PANK2: variants seen among roughly 807,000 people sequenced by gnomAD.
PANK2 encodes pantothenate kinase 2.
A neutral mutation model predicts 43.1 loss-of-function variants in PANK2; 36 were observed. That is an observed-to-expected ratio of 0.84 (90% confidence interval 0.64 to 1.10). The LOEUF (loss-of-function observed/expected upper bound fraction) is 1.10, where lower values mean the gene tolerates loss of function less well. Among genes scored for constraint, PANK2 ranks in the 50% least tolerant of loss-of-function variants. The pLI, the probability that PANK2 is intolerant of heterozygous loss-of-function variation, is 0.00. For missense variants in PANK2, 576 were observed against 593.3 expected (o/e 0.97, Z 0.30); for synonymous variants, 281 against 238.2 (o/e 1.18, Z -1.66).
At position 3,923,227 on chromosome 20, in the gene PANK2, G is replaced by C; in HGVS notation, c.1333-17G>C. On this transcript the variant is annotated splice_polypyrimidine_tract_variant and intron_variant, in intron 6 of 6. Coordinates refer to ENST00000610179, the MANE Select transcript of PANK2 (RefSeq NM_001386393.1). ...TCTAAGGAAAATTGCACTTATTTTT[G>C]GTGTATTTTCTTTCAGGGTTATTTT... The C allele has an allele frequency of 6.2e-7, 1 of 1,613,928 alleles. No homozygotes were observed. The highest frequency in any genetic ancestry group is 8.5e-7 in the Non-Finnish European group (1 of 1,179,840).
Position 3,902,972 on chromosome 20 carries a change from GACACACACACACACACAC to G in PANK2, c.299-4925_299-4908del, listed in dbSNP as rs11468265. ...CCATGAGTTTCGACAGATGTGTATAGACACACACACACACACACACACACACACACACACACACACACA... is the reference window on the plus strand; with the variant it reads ...CCATGAGTTTCGACAGATGTGTATAGACACACACACACACACACACACACA... On this transcript the variant is annotated intron_variant, in intron 1 of 6. Coordinates refer to ENST00000610179, the MANE Select transcript of PANK2 (RefSeq NM_001386393.1). Among the ~76,000 whole-genome samples the G allele has an allele frequency of 5.5e-3, 772 of 141,426 alleles. 5 individuals are homozygous for G. The highest frequency in any genetic ancestry group is 0.017 in the African/African-American group (641 of 37,438). The allele number at this position is 141,426 out of a possible 152,430, so 92.8% of individuals were successfully genotyped here.
intron 6 of PANK2, among the ~76,000 whole-genome samples, 160 bp from the exon 7 acceptor site, chr20:3,923,084 G>T (rs1310798701): frequency 6.6e-6 from 1 of 152,194 alleles, no homozygotes; most frequent in Non-Finnish European, 1.5e-5. Flanking sequence ...ACTCCTTAGG[G>T]CGTCTCTGCT....
chr20:3,889,154 A>G (rs886056650), upstream of PANK2: 7 of 1,591,004 alleles, frequency 4.4e-6, no homozygotes, highest in South Asian at 1.1e-5. Context: ...CGCCGCCATC[A>G]CTCTCTTCTG....
chr20:3,907,989 A>C lies in PANK2; in HGVS notation c.362A>C (p.Lys121Thr). ...GTCAAGCTGGTATATTTTGAACCCA[A>C]AGACATCACTGCTGAAGAAGAAGAG... Residue 121 changes from lysine to threonine, a missense_variant, in exon 2 of 7, where the codon AAA becomes ACA. Physicochemically the swap from Lys to Thr is moderately conservative, Grantham distance 78 (BLOSUM62 -1). This residue lies in a region of PANK2 where 544 missense variants were observed against 528.9 expected (regional missense o/e 1.03). Coordinates refer to ENST00000610179, the MANE Select transcript of PANK2 (RefSeq NM_001386393.1). The C allele has an allele frequency of 6.2e-7, 1 of 1,614,130 alleles. No homozygotes were observed. Among genetic ancestry groups the C allele is most frequent in the Non-Finnish European group, 8.5e-7 (1 of 1,180,030 alleles).
In PANK2 at chr20:3,912,127, A is replaced by G. The variant is rs71647842; in HGVS notation, c.906-331A>G. ...TGCTTGGATGAGAATGACTCAGGGA[A>G]TGTACTTGGAGAAGGGAAAGGGAGG... On this transcript the variant is annotated intron_variant, in intron 3 of 6. Coordinates refer to ENST00000610179, the MANE Select transcript of PANK2 (RefSeq NM_001386393.1). Among the ~76,000 whole-genome samples, 105 of 152,224 alleles carry G rather than the reference A, an allele frequency of 6.9e-4. 2 individuals carry two copies. In the East Asian group the frequency reaches 0.019, roughly 28 times the overall value.
At chr20:3,913,792 T>A (rs6116094) in intron 4 of PANK2, among the ~76,000 whole-genome samples, 35,826 of 109,648 alleles carry the variant, frequency 0.33, 5,292 homozygotes, top group African/African-American at 0.44. Context: ...ATATATATAT[T>A]TTTTTTTTTT....
intron 1 of PANK2, among the ~76,000 whole-genome samples, chr20:3,898,679 G>C (rs2146833538): frequency 6.6e-6 from 1 of 152,132 alleles, no homozygotes; most frequent in Non-Finnish European, 1.5e-5. Flanking sequence ...TTTCAAAGTA[G>C]ATAGATTTAT....
intron 2 of PANK2, 55 bp from the exon 3 acceptor site, chr20:3,910,522 T>C (rs1167845046): frequency 1.1e-5 from 18 of 1,604,078 alleles, no homozygotes; most frequent in Admixed American, 1.7e-5. Flanking sequence ...TTGAATGGAA[T>C]TTTTGTTTCT....
chr20:3,903,492 G>A (rs1245497013), intron 1 of PANK2, among the ~76,000 whole-genome samples: 4 of 123,580 alleles, frequency 3.2e-5, no homozygotes, highest in Non-Finnish European at 6.5e-5. Context: ...TTGAGACTGA[G>A]TTTTGCTCTT....
chr20:3,900,343 T>C (rs2090281383), intron 1 of PANK2, among the ~76,000 whole-genome samples: 1 of 151,768 alleles, frequency 6.6e-6, no homozygotes, highest in South Asian at 2.1e-4. Context: ...TCTTGTAATG[T>C]GAGCATAGCT....
rs899998719 is a variant in PANK2 at position 3,927,686 on chromosome 20, T to TAACA, written c.*4393_*4396dup. 6 of 152,220 alleles carry TAACA rather than the reference T, an allele frequency of 3.9e-5. No individual in the cohort carries two copies. Among genetic ancestry groups the TAACA allele is most frequent in the African/African-American group, 1.2e-4 (5 of 41,452 alleles). 9.4% of individuals were successfully genotyped at this position (152,220 alleles called of 1,614,324 possible). ...CCAGCTGTCACCAGAAGGGAGTTCC[T>TAACA]AACACTTGCCACACCTGCTCCCCCG... On this transcript the variant is annotated 3_prime_UTR_variant, in exon 7 of 7. Coordinates refer to ENST00000610179, the MANE Select transcript of PANK2 (RefSeq NM_001386393.1).
Position 3,923,608 on chromosome 20 carries a change from T to C in PANK2, c.*314T>C, listed in dbSNP as rs2090680592. ...CATTGGAAGTGCTTCTGAAGAGAGC[T>C]GCTCTGTGTTCAGTTGACTGGTTTT... On this transcript the variant is annotated 3_prime_UTR_variant, in exon 7 of 7. Coordinates refer to ENST00000610179, the MANE Select transcript of PANK2 (RefSeq NM_001386393.1). 2.3e-6 allele frequency: 1 copy of C among 435,102 alleles called. No homozygotes were observed. Among genetic ancestry groups the C allele is most frequent in the Admixed American group, 3.6e-5 (1 of 27,922 alleles). 27.0% of individuals were successfully genotyped at this position (435,102 alleles called of 1,614,324 possible).
At chr20:3,919,106 C>T (rs1229505272) in intron 6 of PANK2, among the ~76,000 whole-genome samples, 1 of 152,088 alleles carries the variant, frequency 6.6e-6, no homozygotes, top group Non-Finnish European at 1.5e-5. Flanking sequence ...GGGGTTTCAC[C>T]ATGTTGGCCA....
At chr20:3,917,162 G>A in intron 5 of PANK2, 112 bp downstream of exon 5, 1 of 1,401,484 alleles carries the variant, frequency 7.1e-7, no homozygotes, top group East Asian at 2.3e-5. Flanking sequence ...TTGGGGTGGG[G>A]TTTGTTTTAG....
At chr20:3,913,624 C>A (rs529353453) in intron 4 of PANK2, among the ~76,000 whole-genome samples, 3 of 150,952 alleles carry the variant, frequency 2.0e-5, no homozygotes, top group Non-Finnish European at 4.4e-5. Flanking sequence ...TGTGAGCCAC[C>A]GCGCCCGGCT....
At chr20:3,911,409 C>T (rs1421524263) in intron 3 of PANK2, among the ~76,000 whole-genome samples, 1 of 149,324 alleles carries the variant, frequency 6.7e-6, no homozygotes, top group Non-Finnish European at 1.5e-5. Context: ...ATGGTGAAAC[C>T]CCATCTCTAC....
chr20:3,923,095 C>A (rs1600584852), intron 6 of PANK2, 149 bp from the exon 7 acceptor site: 1 of 879,552 alleles, frequency 1.1e-6, no homozygotes, highest in African/African-American at 1.6e-5. Context: ...CGTCTCTGCT[C>A]CCAGGCTGGC....
chr20:3,910,661 G>A lies in PANK2; in HGVS notation c.736G>A (p.Gly246Arg). The change falls in exon 3 of 7, where the codon GGA becomes AGA. Residue 246 changes from glycine (G) to arginine (R), a missense_variant. Around this residue, in one of 2 missense-constraint regions of PANK2, gnomAD observed 544 missense variants for 528.9 expected, o/e 1.03. Transcript: ENST00000610179. The stretch of plus-strand genomic sequence containing the variant: ...ATACATTGACTCAGTCGGATTCAAT[G>A]GACGGTCACAGTGCTATTACTTTGA... The A allele has an allele frequency of 6.2e-7, 1 of 1,614,150 alleles. No homozygotes were observed.
At chr20:3,891,631 C>G (rs2090124403) in intron 1 of PANK2, among the ~76,000 whole-genome samples, 2 of 152,184 alleles carry the variant, frequency 1.3e-5, no homozygotes, top group Non-Finnish European at 2.9e-5. Context: ...TCAAGACTGA[C>G]TTACTTGAGG....
Sources: allele counts gnomAD v4.1 joint callset (sites outside exome capture counted in the v4.1 genomes callset), GRCh38; gene constraint gnomAD v4.1.1; regional missense constraint gnomAD v4.1.1; transcripts MANE v1.5; gene names NCBI Gene and HGNC (gene_info 2026-07-23, HGNC 2026-07-21).